Variants in RCAN1 observed in about 807,000 individuals in gnomAD.
RCAN1 encodes calcipressin-1.
A neutral mutation model predicts 22.9 loss-of-function variants in RCAN1; 11 were observed. The ratio of observed to expected loss-of-function variants is 0.48; its 90% CI spans 0.30 to 0.79. RCAN1 has a LOEUF of 0.79. RCAN1 is among the 30% of genes least tolerant of loss of function. The pLI is 0.06. For synonymous variants in RCAN1, 136 were observed against 142.3 expected, an observed-to-expected ratio of 0.96 and a Z score of 0.32; for missense variants, 291 against 337.8, an observed-to-expected ratio of 0.86 and a Z score of 1.09.
chr21:34,539,410 G>T (rs1275913507), intron 1 of RCAN1, among the ~76,000 whole-genome samples: 3 of 152,132 alleles, frequency 2.0e-5, no homozygotes, highest in African/African-American at 7.2e-5. Context: ...AGGTTACAAA[G>T]CAATGTTTAT....
In RCAN1 at chr21:34,581,883, G is replaced by T. The variant is rs372114509; in HGVS notation, c.252+32877C>A. 3.3e-5 allele frequency among the ~76,000 whole-genome samples: 5 copies of T among 152,326 alleles called. No individual in the cohort carries two copies. The East Asian group carries it at 9.6e-4, about 29-fold the overall frequency. ...CAACTGCCTCTCCATTTAGGTCGCA[G>T]AATTGGGGACTAGCCTTGTTAGTGA... On this transcript the variant is annotated intron_variant, in intron 1 of 3. Transcript: ENST00000313806.
At chr21:34,535,473 T>C (rs1487754608) in intron 1 of RCAN1, among the ~76,000 whole-genome samples, 2 of 152,050 alleles carry the variant, frequency 1.3e-5, no homozygotes, top group Non-Finnish European at 2.9e-5. Context: ...GTGCTGGTTC[T>C]GCAACTACAG....
At chr21:34,520,642 T>C (rs1730857362) in intron 3 of RCAN1, among the ~76,000 whole-genome samples, 1 of 152,186 alleles carries the variant, frequency 6.6e-6, no homozygotes, top group Non-Finnish European at 1.5e-5. Flanking sequence ...TTTGACTTGC[T>C]CCACGGACAG....
At chr21:34,589,338 A>G (rs185433137) in intron 1 of RCAN1, among the ~76,000 whole-genome samples, 2 of 152,342 alleles carry the variant, frequency 1.3e-5, no homozygotes, top group East Asian at 3.9e-4. Context: ...AGCTTTGTGG[A>G]TAGCAAAGTG....
intron 1 of RCAN1, among the ~76,000 whole-genome samples, chr21:34,595,856 C>A (rs1251563941): frequency 6.6e-6 from 1 of 152,234 alleles, no homozygotes; most frequent in Non-Finnish European, 1.5e-5. Context: ...TGACCACCCC[C>A]CGGCAGGGGT....
intron 1 of RCAN1, among the ~76,000 whole-genome samples, chr21:34,561,101 G>A (rs987755811): frequency 5.3e-5 from 8 of 152,096 alleles, no homozygotes; most frequent in Non-Finnish European, 1.2e-4. Flanking sequence ...CCATCCTGCC[G>A]CCCTGTGAAG....
chr21:34,525,456 G>C, intron 1 of RCAN1: 1 of 1,350,154 alleles, frequency 7.4e-7, no homozygotes, highest in Non-Finnish European at 9.7e-7. Flanking sequence ...TCTTGAGCAC[G>C]GGCAAGTTTC....
rs542598943 is a variant in RCAN1, at chr21:34,547,011, G to A, written c.253-23301C>T. Among the ~76,000 whole-genome samples, 9 of 152,198 alleles carry A rather than the reference G, an allele frequency of 5.9e-5. No homozygotes were observed. In the South Asian group the frequency reaches 1.9e-3, roughly 32 times the overall value. ...AAATCTCTCCCCAAACCCTAGTTTG[G>A]GGCCCACACTTTTGCAAGGTCTCCA... On this transcript the variant is annotated intron_variant, in intron 1 of 3. Coordinates refer to ENST00000313806, the MANE Select transcript of RCAN1 (RefSeq NM_004414.7).
At chr21:34,542,396 AC>A in intron 1 of RCAN1, among the ~76,000 whole-genome samples, 1 of 142,040 alleles carries the variant, frequency 7.0e-6, no homozygotes, top group Admixed American at 7.3e-5. Context: ...CCAGTTGCCC[AC>A]CATGCTTTCA....
intron 1 of RCAN1, among the ~76,000 whole-genome samples, chr21:34,567,254 G>A (rs1445380591): frequency 6.6e-6 from 1 of 152,220 alleles, no homozygotes; most frequent in Non-Finnish European, 1.5e-5. Flanking sequence ...CCAGCACTTT[G>A]GGAGGCCAAG....
intron 1 of RCAN1, among the ~76,000 whole-genome samples, chr21:34,608,953 A>C (rs964040734): frequency 8.5e-5 from 13 of 152,206 alleles, no homozygotes; most frequent in Admixed American, 8.5e-4. Flanking sequence ...CCTCATGTAG[A>C]CTTCACTGGG....
intron 1 of RCAN1, chr21:34,559,810 G>C (rs763075945): frequency 1.2e-4 from 19 of 152,126 alleles, no homozygotes; most frequent in Admixed American, 9.2e-4. Flanking sequence ...ACTTGCCTAA[G>C]GTCAGGCAGC....
intron 1 of RCAN1, among the ~76,000 whole-genome samples, chr21:34,560,748 G>A (rs1339431155): frequency 2.0e-5 from 3 of 152,192 alleles, no homozygotes; most frequent in African/African-American, 7.2e-5. Flanking sequence ...TCAGAAGAAT[G>A]ATACATTTGT....
At chr21:34,583,190 T>G (rs1486365781) in intron 1 of RCAN1, among the ~76,000 whole-genome samples, 1 of 151,256 alleles carries the variant, frequency 6.6e-6, no homozygotes, top group Non-Finnish European at 1.5e-5. Context: ...TTTTTTTTTT[T>G]TTTTTTTGAG....
rs1414504503 is a variant in RCAN1, at chr21:34,518,038, T to G, written c.*46A>C. 3.1e-6 allele frequency: 5 copies of G among 1,604,070 alleles called. No homozygotes were observed. Among genetic ancestry groups the G allele is most frequent in the Non-Finnish European group, 3.4e-6 (4 of 1,174,096 alleles). On this transcript the variant is annotated 3_prime_UTR_variant, in exon 4 of 4. Coordinates refer to ENST00000313806, the MANE Select transcript of RCAN1 (RefSeq NM_004414.7). This position sits in a 1 kb window ranked among gnomAD's most constrained non-coding sequence, Gnocchi z 4.2. ...ACCAGCCACCTCCACAGTAAAAGAT[T>G]CCTCCCGTGAGTATGATTTGGAATG...
chr21:34,543,911 T>C (rs1986023301), intron 1 of RCAN1, among the ~76,000 whole-genome samples: 1 of 152,240 alleles, frequency 6.6e-6, no homozygotes, highest in Admixed American at 6.5e-5. Context: ...AGTTGCCTGC[T>C]AGCCATTCGG....
rs867566940 is a variant in RCAN1, at chr21:34,614,086, G to A, written c.252+674C>T. On this transcript the variant is annotated intron_variant, in intron 1 of 3. Coordinates refer to ENST00000313806, the MANE Select transcript of RCAN1 (RefSeq NM_004414.7). The surrounding 1 kb of genome is among the most constrained non-coding windows in gnomAD (Gnocchi z 6.0). ...TAAATTGTGTGGATTTTGCGGGGGT[G>A]GGGGGAGGCGGGGGAAGGAGTCGAC... 1.3e-5 allele frequency among the ~76,000 whole-genome samples: 2 copies of A among 152,300 alleles called. No homozygotes were observed. The highest frequency in any genetic ancestry group is 4.8e-5 in the African/African-American group (2 of 41,564).
rs561988664 is a variant in RCAN1 at position 34,614,082 on chromosome 21, G to T, written c.252+678C>A. On this transcript the variant is annotated intron_variant, in intron 1 of 3. Transcript: ENST00000313806. This position sits in a 1 kb window ranked among gnomAD's most constrained non-coding sequence, Gnocchi z 6.0. ...TGTCTAAATTGTGTGGATTTTGCGG[G>T]GGTGGGGGGAGGCGGGGGAAGGAGT... is the stretch of plus-strand genomic sequence containing the variant. Among the ~76,000 whole-genome samples, 48 of 152,310 alleles carry T rather than the reference G, an allele frequency of 3.2e-4. 1 individual carries two copies. The South Asian group carries it at 9.3e-3, about 30-fold the overall frequency.
At chr21:34,551,927 C>G (rs1986383810) in intron 1 of RCAN1, among the ~76,000 whole-genome samples, 2 of 152,180 alleles carry the variant, frequency 1.3e-5, no homozygotes, top group Admixed American at 6.5e-5. Context: ...GCATTATTAG[C>G]TCTTGATAAG....
Sources: gnomAD v4.1 joint callset for allele counts (sites outside exome capture counted in the v4.1 genomes callset) on GRCh38, gnomAD v4.1.1 for gene constraint, Gnocchi (gnomAD v3.1) non-coding constraint, MANE v1.5 for transcripts, NCBI Gene and HGNC (gene_info 2026-07-23, HGNC 2026-07-21) for gene names.